The following GRHPR variants were observed in gnomAD, a reference collection of about 807,000 sequenced individuals.
GRHPR encodes glyoxylate and hydroxypyruvate reductase.
A neutral mutation model predicts 36.8 loss-of-function variants in GRHPR; 35 were observed. The ratio of observed to expected loss-of-function variants is 0.95; its 90% CI spans 0.73 to 1.26. The LOEUF (loss-of-function observed/expected upper bound fraction) is 1.26, where lower values mean the gene tolerates loss of function less well. Among genes scored for constraint, GRHPR ranks in the 50% most tolerant of loss-of-function variants. GRHPR has a pLI of 0.00. For missense variants in GRHPR, 380 were observed against 435.0 expected (o/e 0.87, Z 1.12); for synonymous variants, 179 against 181.0 (o/e 0.99, Z 0.09).
rs754089807 is a variant in GRHPR at position 37,428,568 on chromosome 9, C to G, written c.489C>G (p.Arg163=). 1 of 1,602,636 alleles carries G rather than the reference C, an allele frequency of 6.2e-7. No homozygotes were observed. The change falls in exon 5 of 9, where the codon CGC becomes CGG. Residue 163 remains arginine, a synonymous_variant. Transcript: ENST00000318158. ...QSTVGIIGLG[R]IGQAIARRLK... is the part of the protein sequence containing the mutation. ...CTGTCGGCATCATCGGGCTGGGGCG[C>G]ATAGGTGAGGCTCCCACCGGCCCGC... is the stretch of plus-strand genomic sequence containing the variant.
Position 37,424,921 on chromosome 9 carries a change from G to C in GRHPR, c.160G>C (p.Gly54Arg), listed in dbSNP as rs756085471. Residue 54 changes from glycine to arginine, a missense_variant, in exon 2 of 9, where the codon GGC becomes CGC. Gly to Arg is a moderately radical substitution (Grantham distance 125). Transcript: ENST00000318158. The stretch of plus-strand genomic sequence containing the variant: ...AGAGCGAGGTGTGGCGGGGGCCCAC[G>C]GCCTGCTCTGCCTCCTCTCCGACCA... ...ELERGVAGAH[G>R]LLCLLSDHVD... 6.2e-7 allele frequency: 1 copy of C among 1,611,572 alleles called. No homozygotes were observed. The highest frequency in any genetic ancestry group is 2.2e-5 in the East Asian group (1 of 44,874).
At chr9:37,426,102 A>C in intron 3 of GRHPR, 108 bp downstream of exon 3, 1 of 792,076 alleles carries the variant, frequency 1.3e-6, no homozygotes, top group Non-Finnish European at 2.3e-6. Flanking sequence ...ATTCAGGGAG[A>C]ATGTGAGGTG....
intron 1 of GRHPR, among the ~76,000 whole-genome samples, chr9:37,424,049 T>G (rs1588748908): frequency 6.6e-6 from 1 of 152,196 alleles, no homozygotes; most frequent in African/African-American, 2.4e-5. Flanking sequence ...GAGGATGCAA[T>G]CCAGCCTCAG....
intron 8 of GRHPR, 112 bp downstream of exon 8, chr9:37,432,250 A>G (rs1823406214): frequency 4.0e-6 from 4 of 993,030 alleles, no homozygotes; most frequent in Admixed American, 1.9e-5. Flanking sequence ...GTTGAACCCA[A>G]AGGGACACAC....
At chr9:37,430,126 T>C in intron 6 of GRHPR, 1 of 540,296 alleles carries the variant, frequency 1.9e-6, no homozygotes, top group South Asian at 2.0e-5. Flanking sequence ...GTGGTGGGTG[T>C]GAGGAAGGGC....
downstream of GRHPR, chr9:37,439,442 G>A (rs1266892293): frequency 6.6e-6 from 1 of 152,152 alleles, no homozygotes; most frequent in Non-Finnish European, 1.5e-5. Context: ...AAAATTTAGG[G>A]TCTGTACTGT....
intron 8 of GRHPR, chr9:37,433,852 T>C (rs766528110): frequency 2.6e-6 from 1 of 391,866 alleles, no homozygotes; most frequent in Non-Finnish European, 4.5e-6. Flanking sequence ...GGCCAGTCTC[T>C]GCCCTTAATT....
chr9:37,426,600 C>T lies in GRHPR; in HGVS notation c.350C>T (p.Ser117Phe). The T allele has an allele frequency of 6.2e-7, 1 of 1,614,012 alleles. No homozygotes were observed. Among genetic ancestry groups the T allele is most frequent in the South Asian group, 1.1e-5 (1 of 91,084 alleles). Residue 117 changes from serine (S) to phenylalanine (F), a missense_variant, in exon 4 of 9, where the codon TCC (serine) becomes TTC (phenylalanine). By Grantham distance (155) the Ser-to-Phe change is radical. Transcript: ENST00000318158. ...LTDTTAELAVSLLLTTCRRLP... is the reference protein window; with the variant it reads ...LTDTTAELAVFLLLTTCRRLP... The stretch of plus-strand genomic sequence containing the variant: ...GATACCACCGCCGAACTCGCAGTCT[C>T]CCTGCTACTTACCACCTGCCGCCGG...
At chr9:37,426,415 A>G in intron 3 of GRHPR, 123 bp from the exon 4 acceptor site, 1 of 790,570 alleles carries the variant, frequency 1.3e-6, no homozygotes, top group Non-Finnish European at 2.3e-6. Context: ...GCTCATTTAT[A>G]GTTCTGAGCT....
chr9:37,437,766 C>G (rs117306138), downstream of GRHPR, among the ~76,000 whole-genome samples: 1,957 of 151,760 alleles, frequency 0.013, 18 homozygotes, highest in Non-Finnish European at 0.021. Context: ...ATGCCTTGCT[C>G]TGTGCTCAAG....
rs930722959 is a variant in GRHPR, at chr9:37,431,727, G to T, written c.735-281G>T. ...TCCCAACATGCCTGGGAGTTAGGTG[G>T]TATTCTCCTTATCTCACAGAGTAGA... On this transcript the variant is annotated intron_variant, in intron 7 of 8. Coordinates refer to ENST00000318158, the MANE Select transcript of GRHPR (RefSeq NM_012203.2). 7.7e-6 allele frequency: 3 copies of T among 390,678 alleles called. No homozygotes were observed. The East Asian group carries it at 1.8e-4, about 23-fold the overall frequency. The allele number at this position is 390,678 out of a possible 1,614,324, so 24.2% of individuals were successfully genotyped here.
chr9:37,434,529 A>G (rs1823542350), intron 8 of GRHPR: 1 of 395,534 alleles, frequency 2.5e-6, no homozygotes. Context: ...CAGAACATGT[A>G]GAAGTAGCAG....
Position 37,424,944 on chromosome 9 carries a change from C to T in GRHPR, c.183C>T (p.Asp61=), listed in dbSNP as rs2118859424. Residue 61 remains aspartate, a synonymous_variant, in exon 2 of 9, where the codon GAC becomes GAT. Coordinates refer to ENST00000318158, the MANE Select transcript of GRHPR (RefSeq NM_012203.2). ...GAHGLLCLLS[D]HVDKRILDAA... ...ACGGCCTGCTCTGCCTCCTCTCCGA[C>T]CACGTGGACAAGAGGATCCTGGATG... 1 of 1,612,666 alleles carries T rather than the reference C, an allele frequency of 6.2e-7. No homozygotes were observed. Among genetic ancestry groups the T allele is most frequent in the Non-Finnish European group, 8.5e-7 (1 of 1,179,872 alleles).
In GRHPR at chr9:37,430,519, C is replaced by T. The variant is rs1423809039; in HGVS notation, c.607C>T (p.Pro203Ser). 2.0e-5 allele frequency: 33 copies of T among 1,613,656 alleles called. No individual in the cohort carries two copies. Among genetic ancestry groups the T allele is most frequent in the Non-Finnish European group, 2.7e-5 (32 of 1,179,534 alleles). The change falls in exon 7 of 9, where the codon CCT becomes TCT. Residue 203 changes from proline (P) to serine (S), a missense_variant. Coordinates refer to ENST00000318158, the MANE Select transcript of GRHPR (RefSeq NM_012203.2). ...GTCCTGCCCTCCCTCAGTGTCTACC[C>T]CTGAGCTGGCTGCCCAATCTGATTT... is the stretch of plus-strand genomic sequence containing the variant. ...AEFQAEFVSTPELAAQSDFIV... is the reference protein window; with the variant it reads ...AEFQAEFVSTSELAAQSDFIV...
intron 8 of GRHPR, chr9:37,432,383 TA>T (rs200317084): frequency 4.3e-4 from 185 of 431,736 alleles, no homozygotes; most frequent in South Asian, 5.9e-4. Context: ...TGGATTTGTT[TA>T]AAAAAAAAGA....
chr9:37,436,635 CCTCTCTCTCTCT>C lies in GRHPR; in HGVS notation c.866-20_866-9del. ...GCTGCTGAACCACCCTTCTTATCTC[CCTCTCTCTCTCT>C]CTCTCCTTTCCAGTGATTCTGCCCC... On this transcript the variant is annotated splice_polypyrimidine_tract_variant and intron_variant, in intron 8 of 8. Transcript: ENST00000318158. The C allele has an allele frequency of 6.6e-7, 1 of 1,525,036 alleles. No homozygotes were observed. The highest frequency in any genetic ancestry group is 9.0e-7 in the Non-Finnish European group (1 of 1,113,442). The allele number at this position is 1,525,036 out of a possible 1,614,324, so 94.5% of individuals were successfully genotyped here.
chr9:37,438,809 T>C (rs1433412298), downstream of GRHPR: 1 of 152,210 alleles, frequency 6.6e-6, no homozygotes, highest in East Asian at 1.9e-4. Context: ...CAGGACCTCA[T>C]ATCCTCCAAT....
Position 37,430,792 on chromosome 9 carries a change from T to C in GRHPR, c.734+146T>C, listed in dbSNP as rs957777544. ...TAAACCAAACAACCAACTCAGAAAT[T>C]CGTGGGAATACACGAGACCTCCGTA... On this transcript the variant is annotated intron_variant, in intron 7 of 8. Coordinates refer to ENST00000318158, the MANE Select transcript of GRHPR (RefSeq NM_012203.2). 1.4e-5 allele frequency: 11 copies of C among 775,052 alleles called. No individual in the cohort carries two copies. In the African/African-American group the frequency reaches 1.9e-4, roughly 13 times the overall value. 48.0% of individuals were successfully genotyped at this position (775,052 alleles called of 1,614,324 possible).
intron 4 of GRHPR, among the ~76,000 whole-genome samples, chr9:37,427,287 A>C (rs1823127435): frequency 6.6e-6 from 1 of 152,206 alleles, no homozygotes; most frequent in African/African-American, 2.4e-5. Flanking sequence ...CTTAGATCCC[A>C]AAATCTAAAA....
Sources: allele counts gnomAD v4.1 joint callset (sites outside exome capture counted in the v4.1 genomes callset), GRCh38; gene constraint gnomAD v4.1.1; transcripts MANE v1.5; gene names NCBI Gene and HGNC (gene_info 2026-07-23, HGNC 2026-07-21).